MAF: variants seen among roughly 807,000 people sequenced by gnomAD.
The protein encoded by MAF is MAF bZIP transcription factor.
In MAF, 10 loss-of-function variants were observed where a neutral mutation model predicts 22.0. The ratio of observed to expected loss-of-function variants is 0.45; its 90% CI spans 0.28 to 0.77. MAF has a LOEUF of 0.77. Among genes scored for constraint, MAF ranks in the 30% least tolerant of loss-of-function variants. MAF has a pLI of 0.12. For synonymous variants in MAF, 337 were observed against 255.8 expected, an observed-to-expected ratio of 1.32 and a Z score of -3.03; for missense variants, 544 against 548.4, an observed-to-expected ratio of 0.99 and a Z score of 0.08.
chr16:79,435,330 C>A, the MAF span, among the ~76,000 whole-genome samples: 27 of 152,256 alleles, frequency 1.8e-4, no homozygotes, highest in South Asian at 5.4e-3. Flanking sequence ...TCTTTGAAAT[C>A]TTCCTGTAAA....
chr16:79,508,645 C>T, the MAF span, among the ~76,000 whole-genome samples: 1 of 152,198 alleles, frequency 6.6e-6, no homozygotes, highest in Non-Finnish European at 1.5e-5. Context: ...CTTTCCTACC[C>T]TATACTGACT....
At chr16:79,403,445 C>T in the MAF span, among the ~76,000 whole-genome samples, 1 of 152,300 alleles carries the variant, frequency 6.6e-6, no homozygotes, top group East Asian at 1.9e-4. Context: ...CAGGATTGCT[C>T]CAGTATCCAG....
the MAF span, among the ~76,000 whole-genome samples, chr16:79,488,800 G>A: frequency 5.9e-5 from 9 of 152,136 alleles, no homozygotes; most frequent in South Asian, 4.2e-4. Flanking sequence ...TCAACCTTCC[G>A]GGAGCATATC....
downstream of MAF, chr16:79,585,746 C>G: frequency 1.8e-6 from 1 of 565,394 alleles, no homozygotes; most frequent in South Asian, 2.4e-5. Flanking sequence ...ACTAATGAAA[C>G]AGGAACTTTT....
At chr16:79,221,341 T>A in the MAF span, among the ~76,000 whole-genome samples, 3 of 152,106 alleles carry the variant, frequency 2.0e-5, no homozygotes, top group African/African-American at 7.2e-5. Context: ...TGGGAAAAAA[T>A]TCAGTCATGT....
the MAF span, chr16:79,211,467 C>T: frequency 1.9e-6 from 2 of 1,033,348 alleles, no homozygotes; most frequent in East Asian, 2.6e-5. Flanking sequence ...TGCTTTCAGC[C>T]CAGTACCCTT....
chr16:79,569,218 G>A, the MAF span, among the ~76,000 whole-genome samples: 2 of 152,206 alleles, frequency 1.3e-5, no homozygotes, highest in Non-Finnish European at 2.9e-5. Context: ...GGTCTTCCCT[G>A]TGCATTGTAG....
the MAF span, among the ~76,000 whole-genome samples, chr16:79,418,471 T>A: frequency 6.6e-6 from 1 of 152,184 alleles, no homozygotes; most frequent in Non-Finnish European, 1.5e-5. Flanking sequence ...ATTTCCTAAT[T>A]AGTGCGCTGG....
At chr16:79,376,593 T>G in the MAF span, among the ~76,000 whole-genome samples, 54 of 152,164 alleles carry the variant, frequency 3.5e-4, no homozygotes, top group African/African-American at 1.3e-3. Flanking sequence ...TTGTTACATA[T>G]GTATACATGT....
At chr16:79,449,455 C>T in the MAF span, among the ~76,000 whole-genome samples, 1 of 152,186 alleles carries the variant, frequency 6.6e-6, no homozygotes, top group African/African-American at 2.4e-5. Context: ...GTGCGGTGTG[C>T]TTGTTATTTA....
the MAF span, among the ~76,000 whole-genome samples, chr16:79,429,673 C>T: frequency 1.3e-5 from 2 of 152,130 alleles, no homozygotes; most frequent in Non-Finnish European, 2.9e-5. Context: ...TAAGCCTCCA[C>T]TCCCATGCAC....
At chr16:79,547,530 A>T in the MAF span, among the ~76,000 whole-genome samples, 2 of 151,486 alleles carry the variant, frequency 1.3e-5, no homozygotes, top group South Asian at 4.2e-4. Flanking sequence ...AAAATATACT[A>T]AAAAAAAACC....
the MAF span, among the ~76,000 whole-genome samples, chr16:79,257,743 C>T: frequency 1.3e-5 from 2 of 152,176 alleles, no homozygotes; most frequent in East Asian, 1.9e-4. Context: ...ACCATGTATG[C>T]GTCTCAGTAA....
the MAF span, among the ~76,000 whole-genome samples, chr16:79,520,049 C>G: frequency 6.6e-6 from 1 of 152,176 alleles, no homozygotes; most frequent in South Asian, 2.1e-4. Context: ...TGCTGACACA[C>G]GTTGGGTCAA....
chr16:79,545,228 A>T, the MAF span, among the ~76,000 whole-genome samples: 1 of 152,238 alleles, frequency 6.6e-6, no homozygotes, highest in Admixed American at 6.5e-5. Context: ...AAGTAGACTC[A>T]GACACAGGAC....
the MAF span, among the ~76,000 whole-genome samples, chr16:79,542,329 C>T: frequency 6.6e-6 from 1 of 152,112 alleles, no homozygotes; most frequent in Non-Finnish European, 1.5e-5. Flanking sequence ...GTCTGGTGTC[C>T]CCAAGGCCCC....
At chr16:79,213,073 G>A in the MAF span, among the ~76,000 whole-genome samples, 2 of 152,192 alleles carry the variant, frequency 1.3e-5, no homozygotes, top group Non-Finnish European at 2.9e-5. Context: ...GAGCTGTGCA[G>A]AAGCTCTTAT....
chr16:79,487,672 A>G, the MAF span, among the ~76,000 whole-genome samples: 8 of 152,280 alleles, frequency 5.3e-5, no homozygotes, highest in Non-Finnish European at 8.8e-5. Context: ...AATATGCAAA[A>G]GGTTAATGTG....
chr16:79,543,626 G>C, the MAF span, among the ~76,000 whole-genome samples: 1 of 151,372 alleles, frequency 6.6e-6, no homozygotes, highest in Non-Finnish European at 1.5e-5. Flanking sequence ...GTGGCCAAGG[G>C]TCAATGCGAT....
Sources: gnomAD v4.1 joint callset for allele counts (sites outside exome capture counted in the v4.1 genomes callset) on GRCh38, gnomAD v4.1.1 for gene constraint, MANE v1.5 for transcripts, NCBI Gene and HGNC (gene_info 2026-07-23, HGNC 2026-07-21) for gene names.